The following EVC2 variants were observed in gnomAD, a reference collection of about 807,000 sequenced individuals.
EVC2 encodes the protein limbin.
A neutral mutation model predicts 149.3 loss-of-function variants in EVC2; 148 were observed. The ratio of observed to expected loss-of-function variants is 0.99; its 90% confidence interval spans 0.87 to 1.14. EVC2 has a LOEUF of 1.14. EVC2 is among the 50% of genes most tolerant of loss of function. EVC2 has a pLI of 0.00. For missense variants in EVC2, 1,854 were observed against 1,627.3 expected, an observed-to-expected ratio of 1.14 and a Z score of -2.40; for synonymous variants, 776 against 649.9, an observed-to-expected ratio of 1.19 and a Z score of -2.95.
chr4:5,545,370 A>G (rs1360452744), intron 21 of EVC2, among the ~76,000 whole-genome samples: 1 of 152,222 alleles, frequency 6.6e-6, no homozygotes, highest in Non-Finnish European at 1.5e-5. Flanking sequence ...GATGAGTTAG[A>G]AGCCTGACTC....
chr4:5,662,375 G>A (rs560192205), intron 9 of EVC2, among the ~76,000 whole-genome samples: 126 of 150,430 alleles, frequency 8.4e-4, no homozygotes, highest in African/African-American at 3.0e-3. Flanking sequence ...AAACCTACAC[G>A]CATATCCCTA....
intron 16 of EVC2, among the ~76,000 whole-genome samples, chr4:5,585,929 T>G (rs1712240461): frequency 6.6e-6 from 1 of 152,204 alleles, no homozygotes; most frequent in Non-Finnish European, 1.5e-5. Flanking sequence ...TGGTGCAATC[T>G]TGGCTCACTG....
At chr4:5,695,983 G>A (rs1422957432) in intron 2 of EVC2, among the ~76,000 whole-genome samples, 1 of 152,138 alleles carries the variant, frequency 6.6e-6, no homozygotes, top group Non-Finnish European at 1.5e-5. Context: ...CCTCAGGTTG[G>A]GATGGGATAA....
intron 16 of EVC2, among the ~76,000 whole-genome samples, chr4:5,610,348 G>A (rs1310365418): frequency 6.6e-6 from 1 of 152,160 alleles, no homozygotes; most frequent in Non-Finnish European, 1.5e-5. Flanking sequence ...AAGGAAGTAG[G>A]CACCATTCTT....
chr4:5,533,136 A>T, the EVC2 span, among the ~76,000 whole-genome samples: 8 of 151,880 alleles, frequency 5.3e-5, no homozygotes, highest in Non-Finnish European at 8.8e-5. Flanking sequence ...AGCAAATGAC[A>T]GTATGTGACA....
chr4:5,558,195 T>C (rs182600911), downstream of EVC2, among the ~76,000 whole-genome samples: 52 of 152,282 alleles, frequency 3.4e-4, no homozygotes, highest in African/African-American at 1.2e-3. Context: ...TAGTGTGGTA[T>C]TGGTGAAGGA....
In EVC2 at chr4:5,681,272, T is replaced by G. The variant is rs1254886187; in HGVS notation, c.858A>C (p.Glu286Asp). 2 of 1,614,268 alleles carry G rather than the reference T, an allele frequency of 1.2e-6. No homozygotes were observed. Among genetic ancestry groups the G allele is most frequent in the South Asian group, 1.1e-5 (1 of 91,090 alleles). ...QLKVLFSITAEENVTVLPHHG... is the reference protein window; with the variant it reads ...QLKVLFSITADENVTVLPHHG... ...TCATGTCTCTTACCGTTACGTTTTC[T>G]TCTGCTGTTATGGAAAAAAGCACTT... Residue 286 changes from glutamate to aspartate, a missense_variant, in exon 7 of 22, where the codon GAA becomes GAC. By Grantham distance (45) the Glu-to-Asp change is conservative. Transcript: ENST00000344408.
intron 15 of EVC2, among the ~76,000 whole-genome samples, chr4:5,615,992 G>A (rs926286384): frequency 4.6e-5 from 7 of 152,354 alleles, no homozygotes; most frequent in East Asian, 1.9e-4. Flanking sequence ...GCAGAGCCAC[G>A]TTGGCGGACA....
chr4:5,691,751 G>C (rs942344023), intron 3 of EVC2, among the ~76,000 whole-genome samples: 1 of 152,122 alleles, frequency 6.6e-6, no homozygotes, highest in Non-Finnish European at 1.5e-5. Context: ...TGGGGGCTGG[G>C]GGCAGCCTCT....
At chr4:5,645,648 T>C (rs1717657172) in intron 9 of EVC2, among the ~76,000 whole-genome samples, 2 of 152,234 alleles carry the variant, frequency 1.3e-5, no homozygotes, top group Non-Finnish European at 1.5e-5. Flanking sequence ...ACATTTGCTT[T>C]ATCCAGTCTA....
Position 5,640,444 on chromosome 4 carries a change from G to A in EVC2, c.1470+70C>T. Reference sequence around the variant, plus strand: ...GGAGGAGGCAAATGGACAGATGAGTGGGTAGATGGATAAATGACAAATCCC... The same window carrying A: ...GGAGGAGGCAAATGGACAGATGAGTAGGTAGATGGATAAATGACAAATCCC... On this transcript the variant is annotated intron_variant, in intron 10 of 21. Transcript: ENST00000344408. The surrounding 1 kb of genome is among the most constrained non-coding windows in gnomAD (Gnocchi z 4.6). 9 of 1,581,084 alleles carry A rather than the reference G, an allele frequency of 5.7e-6. No homozygotes were observed. In the East Asian group the frequency reaches 6.7e-5, roughly 12 times the overall value.
At chr4:5,631,130 C>T (rs1716500812) in intron 11 of EVC2, among the ~76,000 whole-genome samples, 2 of 152,230 alleles carry the variant, frequency 1.3e-5, no homozygotes, top group Admixed American at 6.5e-5. Flanking sequence ...AACATTCACA[C>T]TCAAGCTGAC....
chr4:5,683,122 T>C (rs1243263262), intron 6 of EVC2, among the ~76,000 whole-genome samples: 2 of 152,184 alleles, frequency 1.3e-5, no homozygotes, highest in Admixed American at 1.3e-4. Context: ...ATACCGTAAG[T>C]CCTCTTTTCA....
At chr4:5,581,222 TACA>T (rs911698994) in intron 17 of EVC2, among the ~76,000 whole-genome samples, 1 of 152,240 alleles carries the variant, frequency 6.6e-6, no homozygotes, top group Non-Finnish European at 1.5e-5. Context: ...TGGACATTTC[TACA>T]ACAATACTTG....
At chr4:5,664,397 C>G (rs1320924046) in intron 8 of EVC2, among the ~76,000 whole-genome samples, 1 of 152,182 alleles carries the variant, frequency 6.6e-6, no homozygotes, top group East Asian at 1.9e-4. Flanking sequence ...CGCCTTAAAT[C>G]AAATTCATAC....
At position 5,570,622 on chromosome 4, in the gene EVC2, C is replaced by A. The variant is rs143836277; in HGVS notation, c.3361-1982G>T. Among the ~76,000 whole-genome samples the A allele has an allele frequency of 5.1e-3, 769 of 152,254 alleles. 8 individuals carry two copies. The highest frequency in any genetic ancestry group is 0.017 in the African/African-American group (723 of 41,542). On this transcript the variant is annotated intron_variant, in intron 19 of 21. Coordinates refer to ENST00000344408, the MANE Select transcript of EVC2 (RefSeq NM_147127.5). ...AAGAACTAAAAGTAGAATTACCATTCGATCCAGCAGTCCCACTGCTGGGTA... is the reference window on the plus strand; with the variant it reads ...AAGAACTAAAAGTAGAATTACCATTAGATCCAGCAGTCCCACTGCTGGGTA...
At chr4:5,698,255 C>T (rs1721611248) in intron 1 of EVC2, among the ~76,000 whole-genome samples, 1 of 152,140 alleles carries the variant, frequency 6.6e-6, no homozygotes, top group South Asian at 2.1e-4. Context: ...AAACGTTAGC[C>T]CTGCCCTCCA....
At chr4:5,536,797 T>C in the EVC2 span, among the ~76,000 whole-genome samples, 1 of 143,052 alleles carries the variant, frequency 7.0e-6, no homozygotes, top group Admixed American at 6.9e-5. Context: ...AAAAAAAAAA[T>C]AGTCATTATC....
chr4:5,584,983 T>G lies in EVC2; in HGVS notation c.2830-133A>C, dbSNP rs1044028325. On this transcript the variant is annotated intron_variant, in intron 16 of 21. Transcript: ENST00000344408. Reference sequence around the variant, plus strand: ...CCAAAAGTTTACAATGGAGACGCACTGGGAACCTGCAGGGAGCAACATCAG... The same window carrying G: ...CCAAAAGTTTACAATGGAGACGCACGGGGAACCTGCAGGGAGCAACATCAG... The G allele has an allele frequency of 9.4e-6, 9 of 952,740 alleles. No individual in the cohort carries two copies. The African/African-American group carries it at 9.7e-5, about 10-fold the overall frequency. 59.0% of individuals were successfully genotyped at this position (952,740 alleles called of 1,614,324 possible). A position where few individuals can be genotyped will look rare whatever the true frequency, so the allele number is the denominator to read the frequency against.
Sources: gnomAD v4.1 joint callset for allele counts (sites outside exome capture counted in the v4.1 genomes callset) on GRCh38, gnomAD v4.1.1 for gene constraint, Gnocchi (gnomAD v3.1) non-coding constraint, MANE v1.5 for transcripts, NCBI Gene and HGNC (gene_info 2026-07-23, HGNC 2026-07-21) for gene names.